RBFOX1: variants seen among roughly 807,000 people sequenced by gnomAD.
The protein encoded by RBFOX1 is RNA binding fox-1 homolog 1.
Under a neutral mutation model 57.7 loss-of-function variants are expected in RBFOX1, and 8 were observed. The observed-to-expected ratio is 0.14, with a 90% confidence interval of 0.08 to 0.25. The LOEUF is 0.25. RBFOX1 is among the 10% of genes least tolerant of loss of function. The probability of loss-of-function intolerance (pLI) is 1.00; values close to 1 mark genes in which losing one functional copy is unlikely to be tolerated. For missense variants in RBFOX1, 611 were observed against 548.5 expected (o/e 1.11, Z -1.14); for synonymous variants, 326 against 222.4 (o/e 1.47, Z -4.15).
chr16:5,378,042 T>C lies in RBFOX1; in HGVS notation c.220-89174T>C, dbSNP rs1298252730. ...ATTTTTTTCTTTCTGTAGTCATTCA[T>C]GGAGAGAGCAAGACAACAGCACAGT... is the stretch of plus-strand genomic sequence containing the variant. On this transcript the variant is annotated intron_variant, in intron 1 of 2. Transcript: ENST00000585867. Among the ~76,000 whole-genome samples the C allele has an allele frequency of 1.3e-5, 2 of 151,622 alleles. 1 individual carries two copies. Among genetic ancestry groups the C allele is most frequent in the African/African-American group, 4.9e-5 (2 of 40,884 alleles).
At chr16:6,468,723 C>T (rs2153076713) in intron 2 of RBFOX1, among the ~76,000 whole-genome samples, 1 of 152,092 alleles carries the variant, frequency 6.6e-6, no homozygotes, top group Middle Eastern at 3.4e-3. Flanking sequence ...ATTTTTGCTT[C>T]TCTTGCTCAG....
At position 5,938,562 on chromosome 16, in the gene RBFOX1, G is replaced by A. The variant is rs138658298; in HGVS notation, c.351+71227G>A. 1.6e-3 allele frequency among the ~76,000 whole-genome samples: 239 copies of A among 152,316 alleles called. 2 individuals are homozygous for A. The highest frequency in any genetic ancestry group is 5.7e-3 in the African/African-American group (235 of 41,566). ...ACTCTACAACCTATTTCACTAAGGTGTGGGGTCTGCTTCCCACATCCTTGA... is the reference window on the plus strand; with the variant it reads ...ACTCTACAACCTATTTCACTAAGGTATGGGGTCTGCTTCCCACATCCTTGA... On this transcript the variant is annotated intron_variant, in intron 4 of 19. Coordinates refer to the RBFOX1 transcript ENST00000641259.
chr16:5,503,828 A>G (rs190231176), intron 2 of RBFOX1, among the ~76,000 whole-genome samples: 1 of 151,356 alleles, frequency 6.6e-6, no homozygotes, highest in East Asian at 1.9e-4. Flanking sequence ...CCCCAAAGAA[A>G]CTCTCTACTC....
chr16:6,221,655 A>C (rs987466534), intron 1 of RBFOX1, among the ~76,000 whole-genome samples: 4 of 152,230 alleles, frequency 2.6e-5, no homozygotes, highest in Non-Finnish European at 4.4e-5. Flanking sequence ...AAGAGGTTTC[A>C]CTGACTCACA....
intron 2 of RBFOX1, among the ~76,000 whole-genome samples, chr16:6,410,850 A>T (rs979873265): frequency 6.6e-6 from 1 of 152,214 alleles, no homozygotes; most frequent in Non-Finnish European, 1.5e-5. Flanking sequence ...ACCATTCGGC[A>T]TAAGTCACTT....
At chr16:6,944,232 TA>T (rs2079059376) in intron 3 of RBFOX1, among the ~76,000 whole-genome samples, 1 of 151,546 alleles carries the variant, frequency 6.6e-6, no homozygotes, top group African/African-American at 2.4e-5. Flanking sequence ...CTTTCTCTAC[TA>T]AAAATACAAA....
chr16:7,424,574 G>A, intron 4 of RBFOX1, among the ~76,000 whole-genome samples: 1 of 152,126 alleles, frequency 6.6e-6, no homozygotes. Flanking sequence ...GCTTGAATAT[G>A]TTTTATTAAA....
At chr16:7,704,611 A>T (rs2081843823) in intron 14 of RBFOX1, among the ~76,000 whole-genome samples, 1 of 152,232 alleles carries the variant, frequency 6.6e-6, no homozygotes, top group Non-Finnish European at 1.5e-5. Flanking sequence ...GCAATGGCAG[A>T]CAAAATAGAC....
chr16:7,545,966 C>G (rs529929763), intron 5 of RBFOX1, among the ~76,000 whole-genome samples: 1 of 147,744 alleles, frequency 6.8e-6, no homozygotes. Flanking sequence ...TGGAAAGTGT[C>G]GTAAAACTAG....
intron 3 of RBFOX1, among the ~76,000 whole-genome samples, chr16:5,738,734 G>A (rs1029715832): frequency 5.3e-5 from 8 of 151,906 alleles, no homozygotes; most frequent in Non-Finnish European, 8.8e-5. Context: ...CATTTGAATT[G>A]GGAGCTGGAG....
intron 1 of RBFOX1, among the ~76,000 whole-genome samples, chr16:6,125,179 C>G (rs114204603): frequency 4.5e-4 from 68 of 152,296 alleles, no homozygotes; most frequent in Non-Finnish European, 7.2e-4. Flanking sequence ...CATGTGTTAC[C>G]TCCTCTTACA....
intron 2 of RBFOX1, among the ~76,000 whole-genome samples, chr16:6,389,956 G>A (rs1205681379): frequency 4.6e-5 from 7 of 152,196 alleles, no homozygotes; most frequent in Admixed American, 4.6e-4. Flanking sequence ...CTGGTGAAGT[G>A]TCCAGGAGTG....
intron 1 of RBFOX1, among the ~76,000 whole-genome samples, chr16:6,035,902 G>T (rs1055221065): frequency 2.0e-5 from 3 of 152,166 alleles, no homozygotes; most frequent in Non-Finnish European, 4.4e-5. Context: ...CTTGATAGAT[G>T]GGAAGAAATG....
chr16:5,259,160 A>G (rs115737587), intron 1 of RBFOX1, among the ~76,000 whole-genome samples: 4,169 of 151,914 alleles, frequency 0.027, 171 homozygotes, highest in African/African-American at 0.089. Context: ...CTGGGACAGT[A>G]ATGAATATTT....
At chr16:7,129,561 A>G (rs1287511866) in intron 4 of RBFOX1, among the ~76,000 whole-genome samples, 4 of 152,142 alleles carry the variant, frequency 2.6e-5, no homozygotes, top group African/African-American at 4.8e-5. Context: ...CATTTGCCCT[A>G]TCTCCTGGGG....
chr16:7,383,119 G>A (rs2097808910), intron 4 of RBFOX1, among the ~76,000 whole-genome samples: 1 of 151,994 alleles, frequency 6.6e-6, no homozygotes, highest in Non-Finnish European at 1.5e-5. Context: ...AGGTGTTCAT[G>A]GTACAGTCTT....
At chr16:6,288,087 T>C (rs1324170492) in intron 1 of RBFOX1, among the ~76,000 whole-genome samples, 4 of 152,178 alleles carry the variant, frequency 2.6e-5, no homozygotes, top group Non-Finnish European at 5.9e-5. Context: ...TTGATGTAAC[T>C]CTTAGCTGCG....
chr16:6,445,187 C>T lies in RBFOX1; in HGVS notation c.-64+128130C>T, dbSNP rs149635852. 9.0e-3 allele frequency among the ~76,000 whole-genome samples: 1,369 copies of T among 152,218 alleles called. 15 individuals are homozygous for T. The highest frequency in any genetic ancestry group is 0.034 in the Middle Eastern group (10 of 294). ...CAGGGAACATGAGAATAAGAGAGAA[C>T]AGACTGCAGAAATAATAAGTTTAGC... On this transcript the variant is annotated intron_variant, in intron 2 of 15. Coordinates refer to ENST00000550418, the MANE Select transcript of RBFOX1 (RefSeq NM_018723.4).
At chr16:7,594,394 A>G (rs1602785772) in intron 7 of RBFOX1, among the ~76,000 whole-genome samples, 1 of 152,226 alleles carries the variant, frequency 6.6e-6, no homozygotes, top group East Asian at 1.9e-4. Flanking sequence ...CCCAGTTTAC[A>G]GTGAAAAATC....
Sources: allele counts gnomAD v4.1 joint callset (sites outside exome capture counted in the v4.1 genomes callset), GRCh38; gene constraint gnomAD v4.1.1; transcripts MANE v1.5; gene names NCBI Gene and HGNC (gene_info 2026-07-23, HGNC 2026-07-21).